Variants in PSTPIP2 observed in about 807,000 individuals in gnomAD.
The protein encoded by PSTPIP2 is proline-serine-threonine phosphatase interacting protein 2, also known as proline-serine-threonine phosphatase-interacting protein 2.
Under a neutral mutation model 63.3 loss-of-function variants are expected in PSTPIP2, and 33 were observed. The ratio of observed to expected loss-of-function variants is 0.52; its 90% CI spans 0.40 to 0.70. The LOEUF (loss-of-function observed/expected upper bound fraction) is 0.70. Among genes scored for constraint, PSTPIP2 ranks in the 30% least tolerant of loss-of-function variants. The pLI is 0.00. For missense variants in PSTPIP2, 312 were observed against 400.7 expected (o/e 0.78, Z 1.89); for synonymous variants, 125 against 132.7 (o/e 0.94, Z 0.40).
intron 14 of PSTPIP2, among the ~76,000 whole-genome samples, chr18:45,986,700 C>T (rs552428662): frequency 6.6e-6 from 1 of 152,134 alleles, no homozygotes; most frequent in Admixed American, 6.5e-5. Flanking sequence ...TTTGTAGGTC[C>T]TAAGTTATAT....
chr18:46,054,227 C>T (rs529407937), intron 1 of PSTPIP2, among the ~76,000 whole-genome samples: 41 of 152,260 alleles, frequency 2.7e-4, no homozygotes, highest in African/African-American at 7.2e-4. Flanking sequence ...ATGGGACCAC[C>T]ATCATATATG....
chr18:46,006,842 G>A (rs74399592), intron 5 of PSTPIP2, among the ~76,000 whole-genome samples: 3,220 of 152,218 alleles, frequency 0.021, 55 homozygotes, highest in Middle Eastern at 0.075. Flanking sequence ...AAGCACTTAC[G>A]CGCTAAGCAG....
chr18:45,994,391 C>A (rs1386409455), intron 9 of PSTPIP2, among the ~76,000 whole-genome samples: 1 of 151,990 alleles, frequency 6.6e-6, no homozygotes, highest in East Asian at 1.9e-4. Context: ...ATACCACAGC[C>A]CCTTTTCCAC....
intron 6 of PSTPIP2, among the ~76,000 whole-genome samples, chr18:46,002,386 A>G (rs1206643702): frequency 6.6e-6 from 1 of 152,048 alleles, no homozygotes; most frequent in African/African-American, 2.4e-5. Flanking sequence ...ATCTTTTCTT[A>G]TAGTGCAAAA....
chr18:46,057,052 C>T (rs1036731089), intron 1 of PSTPIP2, among the ~76,000 whole-genome samples: 7 of 151,010 alleles, frequency 4.6e-5, no homozygotes, highest in Non-Finnish European at 8.9e-5. Flanking sequence ...TGCAGTGAGC[C>T]GAGATCAGGG....
chr18:45,997,862 T>G lies in PSTPIP2; in HGVS notation c.563-34A>C, dbSNP rs73953953. ...GAAGGGAGAGACCTGGGTCAGAAACTAGACAGGAAGGTGGCTCGCAGATAC... is the reference window on the plus strand; with the variant it reads ...GAAGGGAGAGACCTGGGTCAGAAACGAGACAGGAAGGTGGCTCGCAGATAC... On this transcript the variant is annotated intron_variant, in intron 8 of 14. Transcript: ENST00000409746. 3.4e-3 allele frequency: 5,463 copies of G among 1,593,724 alleles called. 173 individuals carry two copies. In the African/African-American group the frequency reaches 0.065, roughly 19 times the overall value.
Position 45,999,390 on chromosome 18 carries a change from C to T in PSTPIP2, c.516+46G>A, listed in dbSNP as rs75062700. 3,207 of 1,562,668 alleles carry T rather than the reference C, an allele frequency of 2.1e-3. 59 individuals are homozygous for T. In the African/African-American group the frequency reaches 0.034, roughly 17 times the overall value. On this transcript the variant is annotated intron_variant, in intron 7 of 14. Coordinates refer to ENST00000409746, the MANE Select transcript of PSTPIP2 (RefSeq NM_024430.4). ...AGATTCATAATTGGCTTTAGCCTGACATAGGTCAGTCTCAGATTTTTCGGG... is the reference window on the plus strand; with the variant it reads ...AGATTCATAATTGGCTTTAGCCTGATATAGGTCAGTCTCAGATTTTTCGGG...
chr18:45,995,755 G>C (rs1315229862), intron 9 of PSTPIP2, among the ~76,000 whole-genome samples: 1 of 152,192 alleles, frequency 6.6e-6, no homozygotes, highest in East Asian at 1.9e-4. Context: ...GCGTGGCTGT[G>C]AAGAAGGGCG....
intron 2 of PSTPIP2, among the ~76,000 whole-genome samples, chr18:46,035,000 C>T (rs907844094): frequency 1.3e-5 from 2 of 152,078 alleles, no homozygotes; most frequent in Non-Finnish European, 2.9e-5. Context: ...TATAATATTT[C>T]GCCACATCTG....
At chr18:46,046,652 A>G (rs1201742426) in intron 1 of PSTPIP2, among the ~76,000 whole-genome samples, 2 of 152,250 alleles carry the variant, frequency 1.3e-5, no homozygotes, top group African/African-American at 2.4e-5. Flanking sequence ...AAGAAGAAGA[A>G]AGCAGGATGC....
chr18:46,049,780 T>C (rs903504134), intron 1 of PSTPIP2, among the ~76,000 whole-genome samples: 1 of 152,148 alleles, frequency 6.6e-6, no homozygotes, highest in African/African-American at 2.4e-5. Flanking sequence ...CTTGGGAGGC[T>C]GAGGCACGAG....
At chr18:46,028,787 C>T in intron 2 of PSTPIP2, 1 of 1,277,068 alleles carries the variant, frequency 7.8e-7, no homozygotes, top group Non-Finnish European at 1.1e-6. Flanking sequence ...GGAGGAGTAC[C>T]TGCCTGGGCA....
In PSTPIP2 at chr18:46,050,266, A is replaced by G. The variant is rs184467834; in HGVS notation, c.34-10219T>C. Among the ~76,000 whole-genome samples, 440 of 152,338 alleles carry G rather than the reference A, an allele frequency of 2.9e-3. 3 individuals are homozygous for G. The highest frequency in any genetic ancestry group is 9.8e-3 in the African/African-American group (407 of 41,584). On this transcript the variant is annotated intron_variant, in intron 1 of 14. Coordinates refer to ENST00000409746, the MANE Select transcript of PSTPIP2 (RefSeq NM_024430.4). ...ATTTGTACACAAGGATGTTCAGTGC[A>G]GCATCATAATGACAAAAAACTGGCC...
chr18:45,995,113 G>A (rs1291622556), intron 9 of PSTPIP2, among the ~76,000 whole-genome samples: 1 of 151,936 alleles, frequency 6.6e-6, no homozygotes, highest in Admixed American at 6.6e-5. Flanking sequence ...GTTTTGGGGG[G>A]TTTTATTTTG....
intron 5 of PSTPIP2, 105 bp downstream of exon 5, chr18:46,011,076 T>C: frequency 1.1e-6 from 1 of 946,832 alleles, no homozygotes; most frequent in Non-Finnish European, 1.7e-6. Flanking sequence ...TCTCAGGTCA[T>C]GATTACATGA....
intron 1 of PSTPIP2, among the ~76,000 whole-genome samples, chr18:46,064,892 C>T (rs911133940): frequency 2.0e-5 from 3 of 151,870 alleles, no homozygotes; most frequent in African/African-American, 7.2e-5. Flanking sequence ...TGCCTGTAAT[C>T]CCAGCACTTT....
intron 2 of PSTPIP2, chr18:46,028,438 C>T (rs1182617519): frequency 5.3e-6 from 3 of 564,086 alleles, no homozygotes; most frequent in Non-Finnish European, 3.5e-6. Context: ...GCGGAACCGC[C>T]CGACGCTGGA....
At chr18:46,070,410 G>A (rs1237904047) in intron 1 of PSTPIP2, among the ~76,000 whole-genome samples, 1 of 152,222 alleles carries the variant, frequency 6.6e-6, no homozygotes, top group Non-Finnish European at 1.5e-5. Context: ...GGGCTGAGGG[G>A]TGGAGGCTGG....
intron 2 of PSTPIP2, among the ~76,000 whole-genome samples, chr18:46,036,269 C>G (rs1268057164): frequency 6.6e-6 from 1 of 151,230 alleles, no homozygotes; most frequent in East Asian, 1.9e-4. Flanking sequence ...TAATTGTTAA[C>G]AATTATTAAT....
Sources: gnomAD v4.1 joint callset for allele counts (sites outside exome capture counted in the v4.1 genomes callset) on GRCh38, gnomAD v4.1.1 for gene constraint, MANE v1.5 for transcripts, NCBI Gene and HGNC (gene_info 2026-07-23, HGNC 2026-07-21) for gene names.